The following KCNIP4 variants were observed in gnomAD, a reference collection of about 807,000 sequenced individuals.
KCNIP4 encodes potassium voltage-gated channel interacting protein 4.
In KCNIP4, 12 loss-of-function variants were observed where a neutral mutation model predicts 34.0. The observed-to-expected ratio is 0.35, with a 90% CI of 0.23 to 0.57. The LOEUF (loss-of-function observed/expected upper bound fraction) is 0.57, where lower values mean the gene tolerates loss of function less well. Among genes scored for constraint, KCNIP4 ranks in the 20% least tolerant of loss-of-function variants. The pLI, the probability that KCNIP4 is intolerant of heterozygous loss-of-function variation, is 0.83. For missense variants in KCNIP4, 238 were observed against 311.7 expected (o/e 0.76, Z 1.78); for synonymous variants, 124 against 102.2 (o/e 1.21, Z -1.29).
At chr4:21,471,176 T>C (rs1458332521) in intron 1 of KCNIP4, among the ~76,000 whole-genome samples, 2 of 152,196 alleles carry the variant, frequency 1.3e-5, no homozygotes, top group East Asian at 3.9e-4. Flanking sequence ...GTACTCTCTG[T>C]GGCTTTTACT....
chr4:21,323,674 C>T (rs1714733553), intron 1 of KCNIP4, among the ~76,000 whole-genome samples: 1 of 151,966 alleles, frequency 6.6e-6, no homozygotes, highest in African/African-American at 2.4e-5. Flanking sequence ...TTGATAGACA[C>T]ATAAGTAGCT....
chr4:21,127,800 C>G (rs1399364188), intron 1 of KCNIP4, among the ~76,000 whole-genome samples: 2 of 152,188 alleles, frequency 1.3e-5, no homozygotes, highest in Non-Finnish European at 2.9e-5. Flanking sequence ...ATTGTTCTTT[C>G]CATTTTTGGA....
chr4:20,785,454 C>T (rs17624591), intron 3 of KCNIP4, among the ~76,000 whole-genome samples: 14,567 of 151,006 alleles, frequency 0.096, 887 homozygotes, highest in Admixed American at 0.15. Context: ...TGTTCGTGTT[C>T]TCAGACTGAG....
intron 1 of KCNIP4, among the ~76,000 whole-genome samples, chr4:21,475,924 AC>A (rs1553888760): frequency 6.6e-6 from 1 of 152,166 alleles, no homozygotes; most frequent in Non-Finnish European, 1.5e-5. Context: ...CATGAAGAGC[AC>A]CTTTTTTTCC....
chr4:20,770,644 A>T (rs1052436118), intron 3 of KCNIP4, among the ~76,000 whole-genome samples: 1 of 152,110 alleles, frequency 6.6e-6, no homozygotes, highest in African/African-American at 2.4e-5. Context: ...AAAAATAAAT[A>T]AAAAATAAGG....
chr4:21,342,356 A>G (rs1475804998), intron 1 of KCNIP4, among the ~76,000 whole-genome samples: 1 of 152,182 alleles, frequency 6.6e-6, no homozygotes, highest in Non-Finnish European at 1.5e-5. Context: ...TAATATATAC[A>G]GCATAGGAAA....
chr4:21,515,837 C>T (rs1229265526), intron 1 of KCNIP4, among the ~76,000 whole-genome samples: 1 of 152,144 alleles, frequency 6.6e-6, no homozygotes, highest in African/African-American at 2.4e-5. Context: ...CAAGAAGGCC[C>T]TTGCTTGATG....
chr4:21,106,850 T>C (rs1748592689), intron 1 of KCNIP4, among the ~76,000 whole-genome samples: 1 of 151,726 alleles, frequency 6.6e-6, no homozygotes, highest in South Asian at 2.1e-4. Flanking sequence ...TTCATTTCGT[T>C]ATGTACCCAG....
intron 3 of KCNIP4, among the ~76,000 whole-genome samples, chr4:20,763,271 T>C (rs1238115079): frequency 6.6e-6 from 1 of 152,196 alleles, no homozygotes; most frequent in African/African-American, 2.4e-5. Context: ...TTTGCTTTTT[T>C]GGATGAGGGA....
intron 8 of KCNIP4, among the ~76,000 whole-genome samples, chr4:20,730,615 A>C (rs1001817472): frequency 2.0e-5 from 3 of 152,140 alleles, no homozygotes; most frequent in Admixed American, 2.0e-4. Context: ...ACATGTTTGC[A>C]GTAATCATCT....
chr4:20,905,114 T>C (rs1182943654), intron 1 of KCNIP4, among the ~76,000 whole-genome samples: 1 of 152,172 alleles, frequency 6.6e-6, no homozygotes, highest in East Asian at 1.9e-4. Flanking sequence ...TCTAATAAAA[T>C]ACCACAGACC....
chr4:21,642,666 G>A (rs1196912539), intron 1 of KCNIP4, among the ~76,000 whole-genome samples: 1 of 152,012 alleles, frequency 6.6e-6, no homozygotes, highest in Non-Finnish European at 1.5e-5. Flanking sequence ...AGAGAGGAAT[G>A]CTTCTAGCAG....
chr4:21,415,676 T>G (rs1724897814), intron 1 of KCNIP4, among the ~76,000 whole-genome samples: 2 of 152,268 alleles, frequency 1.3e-5, no homozygotes, highest in South Asian at 4.1e-4. Context: ...CACTCCAGCC[T>G]GGGTGACAGA....
intron 1 of KCNIP4, among the ~76,000 whole-genome samples, chr4:21,635,434 G>C (rs1436231477): frequency 1.3e-5 from 2 of 152,078 alleles, no homozygotes; most frequent in African/African-American, 4.8e-5. Flanking sequence ...GGTTAATTGG[G>C]TTTTTTGAAA....
At chr4:21,369,173 A>G (rs1720086554) in intron 1 of KCNIP4, among the ~76,000 whole-genome samples, 1 of 147,288 alleles carries the variant, frequency 6.8e-6, no homozygotes, top group Non-Finnish European at 1.5e-5. Context: ...ACTTAATGGT[A>G]GTGTTATGAG....
chr4:20,915,519 A>G (rs926265852), intron 1 of KCNIP4, among the ~76,000 whole-genome samples: 1 of 152,222 alleles, frequency 6.6e-6, no homozygotes, highest in Non-Finnish European at 1.5e-5. Flanking sequence ...GTTCTGCAAA[A>G]TAAAGAAAAT....
chr4:21,122,326 T>C (rs1750231741), intron 1 of KCNIP4, among the ~76,000 whole-genome samples: 1 of 152,064 alleles, frequency 6.6e-6, no homozygotes, highest in South Asian at 2.1e-4. Context: ...AGCTTTTCTT[T>C]TTAAGTGCGT....
intron 1 of KCNIP4, among the ~76,000 whole-genome samples, chr4:20,938,830 A>G (rs1290062438): frequency 6.6e-6 from 1 of 152,190 alleles, no homozygotes; most frequent in Non-Finnish European, 1.5e-5. Flanking sequence ...AAAGACACAC[A>G]TGCCTCTGAA....
chr4:21,055,412 T>C (rs1443861895), intron 1 of KCNIP4, among the ~76,000 whole-genome samples: 2 of 152,188 alleles, frequency 1.3e-5, no homozygotes, highest in African/African-American at 4.8e-5. Context: ...GCAATTGTAC[T>C]CCTTGGTATT....
Sources: allele counts gnomAD v4.1 joint callset (sites outside exome capture counted in the v4.1 genomes callset), GRCh38; gene constraint gnomAD v4.1.1; transcripts MANE v1.5; gene names NCBI Gene and HGNC (gene_info 2026-07-23, HGNC 2026-07-21).